The following LRRC69 variants were observed in gnomAD, a reference collection of about 807,000 sequenced individuals.
The protein encoded by LRRC69 is leucine-rich repeat-containing protein 69.
In LRRC69, 42 loss-of-function variants were observed where a neutral mutation model predicts 37.8. The ratio of observed to expected loss-of-function variants is 1.11; its 90% CI spans 0.87 to 1.44. The LOEUF (loss-of-function observed/expected upper bound fraction) is 1.44, where lower values mean the gene tolerates loss of function less well. Among genes scored for constraint, LRRC69 ranks in the 40% most tolerant of loss-of-function variants. The probability of loss-of-function intolerance (pLI) is 0.00; values close to 1 mark genes in which losing one functional copy is unlikely to be tolerated. For missense variants in LRRC69, 357 were observed against 401.9 expected, an observed-to-expected ratio of 0.89 and a Z score of 0.96; for synonymous variants, 141 against 143.1, an observed-to-expected ratio of 0.99 and a Z score of 0.11.
intron 7 of LRRC69, among the ~76,000 whole-genome samples, chr8:91,207,333 C>G (rs1413094534): frequency 6.6e-6 from 1 of 152,144 alleles, no homozygotes; most frequent in African/African-American, 2.4e-5. Flanking sequence ...GTGCTTAGTA[C>G]AGTGGGTGTT....
At chr8:91,186,363 G>A (rs1204152748) in intron 5 of LRRC69, among the ~76,000 whole-genome samples, 1 of 152,114 alleles carries the variant, frequency 6.6e-6, no homozygotes, top group Non-Finnish European at 1.5e-5. Context: ...GGAAACATTC[G>A]ATAGAGGCTG....
chr8:91,155,085 C>A (rs539625558), intron 5 of LRRC69, among the ~76,000 whole-genome samples: 1 of 151,446 alleles, frequency 6.6e-6, no homozygotes, highest in East Asian at 1.9e-4. Flanking sequence ...CAACAGGAGA[C>A]AAGCAGAGAG....
At chr8:91,181,917 C>A (rs1308288818) in intron 5 of LRRC69, among the ~76,000 whole-genome samples, 1 of 152,096 alleles carries the variant, frequency 6.6e-6, no homozygotes, top group Admixed American at 6.5e-5. Context: ...GGATTTTTGT[C>A]TTACTCTTAA....
At chr8:91,191,136 C>A (rs1158894077) in intron 6 of LRRC69, among the ~76,000 whole-genome samples, 1 of 150,864 alleles carries the variant, frequency 6.6e-6, no homozygotes, top group African/African-American at 2.4e-5. Flanking sequence ...GCATATTATC[C>A]CTAAAAATGT....
At chr8:91,121,529 C>T (rs564732687) in intron 1 of LRRC69, among the ~76,000 whole-genome samples, 94 of 152,124 alleles carry the variant, frequency 6.2e-4, no homozygotes, top group African/African-American at 2.2e-3. Flanking sequence ...TTTATTTTGA[C>T]AATTTCTTCT....
chr8:91,177,423 T>C (rs181523994), intron 5 of LRRC69, among the ~76,000 whole-genome samples: 24 of 152,318 alleles, frequency 1.6e-4, no homozygotes, highest in African/African-American at 5.3e-4. Flanking sequence ...CATTCTATTT[T>C]ACTTTATTTG....
At chr8:91,209,452 TAA>T (rs1809865185) in intron 7 of LRRC69, 2 of 151,564 alleles carry the variant, frequency 1.3e-5, no homozygotes, top group Non-Finnish European at 2.9e-5. Flanking sequence ...AATAAATAAA[TAA>T]ATAAATAAAT....
At chr8:91,126,083 A>G (rs1349219079) in intron 2 of LRRC69, among the ~76,000 whole-genome samples, 2 of 152,064 alleles carry the variant, frequency 1.3e-5, no homozygotes, top group Admixed American at 6.6e-5. Context: ...GTTATGTTCT[A>G]TGTCAGGTCC....
intron 5 of LRRC69, among the ~76,000 whole-genome samples, chr8:91,156,290 G>C (rs1013813267): frequency 2.0e-5 from 3 of 150,968 alleles, no homozygotes; most frequent in Non-Finnish European, 4.4e-5. Flanking sequence ...ATGTCTTACT[G>C]TGGTTTAGAT....
intron 7 of LRRC69, among the ~76,000 whole-genome samples, chr8:91,217,850 T>G (rs1810081904): frequency 1.3e-5 from 2 of 152,188 alleles, no homozygotes; most frequent in African/African-American, 4.8e-5. Flanking sequence ...ATACCATTTT[T>G]CACCTTCATC....
chr8:91,163,817 A>T (rs1037031072), intron 5 of LRRC69, among the ~76,000 whole-genome samples: 1 of 150,408 alleles, frequency 6.6e-6, no homozygotes, highest in African/African-American at 2.4e-5. Context: ...TTTAAAATCA[A>T]TATTTTTTTC....
chr8:91,120,095 C>A (rs968470645), intron 1 of LRRC69, among the ~76,000 whole-genome samples: 2 of 152,110 alleles, frequency 1.3e-5, no homozygotes, highest in Middle Eastern at 3.4e-3. Flanking sequence ...AAAGTTCTTA[C>A]AAGAATTGTC....
At chr8:91,122,381 G>A (rs1469698500) in intron 1 of LRRC69, among the ~76,000 whole-genome samples, 1 of 151,960 alleles carries the variant, frequency 6.6e-6, no homozygotes, top group Non-Finnish European at 1.5e-5. Flanking sequence ...CATGGTTACT[G>A]CCCATCATAA....
intron 3 of LRRC69, chr8:91,130,800 GA>G (rs1813795675): frequency 6.6e-6 from 1 of 151,994 alleles, no homozygotes; most frequent in African/African-American, 2.4e-5. Flanking sequence ...TGGAAGTTGG[GA>G]AGTGAAGACC....
chr8:91,158,076 A>T, intron 5 of LRRC69: 1 of 1,439,610 alleles, frequency 6.9e-7, no homozygotes, highest in Non-Finnish European at 9.8e-7. Flanking sequence ...TACTCAATAC[A>T]TGCCCATGGG....
Position 91,200,973 on chromosome 8 carries a change from T to G in LRRC69, c.933+181T>G, listed in dbSNP as rs191190496. On this transcript the variant is annotated intron_variant, in intron 7 of 7. Coordinates refer to ENST00000448384, the Ensembl canonical transcript of LRRC69. The stretch of plus-strand genomic sequence containing the variant: ...TAATAATCATCATCACCCATTCTAT[T>G]TACATTCATAGACTCCCAAATTTAT... 2.0e-5 allele frequency among the ~76,000 whole-genome samples: 3 copies of G among 152,336 alleles called. No homozygotes were observed. The East Asian group carries it at 5.8e-4, about 29-fold the overall frequency.
Position 91,108,679 on chromosome 8 carries a change from G to A in LRRC69, c.183+5835G>A, listed in dbSNP as rs540487631. ...GCGGCCCAGGACGGCTTTGAATGTG[G>A]CCCAACTCAAATTCATAAATGTTTC... is the stretch of plus-strand genomic sequence containing the variant. On this transcript the variant is annotated intron_variant, in intron 1 of 7. Transcript: ENST00000448384. Among the ~76,000 whole-genome samples the A allele has an allele frequency of 9.2e-5, 14 of 152,072 alleles. No homozygotes were observed. The East Asian group carries it at 2.5e-3, about 27-fold the overall frequency.
chr8:91,111,046 C>T (rs1813401359), intron 1 of LRRC69, among the ~76,000 whole-genome samples: 1 of 152,014 alleles, frequency 6.6e-6, no homozygotes, highest in African/African-American at 2.4e-5. Context: ...TATTGAGCAA[C>T]TATTATATTC....
intron 5 of LRRC69, among the ~76,000 whole-genome samples, chr8:91,180,305 A>T (rs1397708324): frequency 6.6e-6 from 1 of 152,088 alleles, no homozygotes; most frequent in East Asian, 1.9e-4. Flanking sequence ...AAGATGGCTT[A>T]CTCACATGGC....
Sources: allele counts gnomAD v4.1 joint callset (sites outside exome capture counted in the v4.1 genomes callset), GRCh38; gene constraint gnomAD v4.1.1; transcripts MANE v1.5; gene names NCBI Gene and HGNC (gene_info 2026-07-23, HGNC 2026-07-21).